Variants in MTMR10 observed in about 807,000 individuals in gnomAD.
MTMR10 encodes the protein myotubularin-related protein 10.
Under a neutral mutation model 88.1 loss-of-function variants are expected in MTMR10, and 56 were observed. The observed-to-expected ratio is 0.64, with a 90% CI of 0.51 to 0.79. The LOEUF (loss-of-function observed/expected upper bound fraction) is 0.79. MTMR10 is among the 30% of genes least tolerant of loss of function. The probability of loss-of-function intolerance (pLI) is 0.00; values close to 1 mark genes in which losing one functional copy is unlikely to be tolerated. For synonymous variants in MTMR10, 380 were observed against 340.9 expected, an observed-to-expected ratio of 1.11 and a Z score of -1.26; for missense variants, 883 against 924.7, an observed-to-expected ratio of 0.95 and a Z score of 0.58.
At chr15:30,929,834 TATA>T in the MTMR10 span, among the ~76,000 whole-genome samples, 22 of 74,210 alleles carry the variant, frequency 3.0e-4, 6 homozygotes, top group African/African-American at 1.4e-3. Context: ...TCATATATAA[TATA>T]ATATATAAAA....
chr15:30,929,099 G>A, the MTMR10 span: 7 of 909,390 alleles, frequency 7.7e-6, no homozygotes, highest in Non-Finnish European at 1.0e-5. Flanking sequence ...GAGAAAGAAT[G>A]TATCGGTTGG....
At chr15:30,948,730 A>G (rs1426838227) in intron 12 of MTMR10, 1 of 522,028 alleles carries the variant, frequency 1.9e-6, no homozygotes, top group African/African-American at 1.9e-5. Context: ...TACTTTTTAC[A>G]TTCGAATGGT....
chr15:30,988,623 G>A (rs750520390), intron 2 of MTMR10, among the ~76,000 whole-genome samples: 5 of 152,212 alleles, frequency 3.3e-5, no homozygotes, highest in Non-Finnish European at 7.3e-5. Context: ...AACCCTCAGT[G>A]AGAAAGTTCT....
intron 2 of MTMR10, among the ~76,000 whole-genome samples, chr15:30,977,686 G>GT (rs2030260541): frequency 6.6e-6 from 1 of 151,998 alleles, no homozygotes; most frequent in African/African-American, 2.4e-5. Context: ...TGGTAGAAAA[G>GT]TGAGTGTACT....
intron 15 of MTMR10, chr15:30,942,649 T>C: frequency 6.4e-6 from 3 of 467,986 alleles, no homozygotes; most frequent in Non-Finnish European, 1.1e-5. Flanking sequence ...CTTTAGTAAA[T>C]CAGGCTTGCA....
chr15:30,948,208 C>A, intron 13 of MTMR10, 94 bp downstream of exon 13: 1 of 1,172,374 alleles, frequency 8.5e-7, no homozygotes, highest in Admixed American at 2.9e-5. Flanking sequence ...GTACTAAATA[C>A]AGTATTTTTT....
rs756530308 is a variant in MTMR10 at position 30,974,306 on chromosome 15, A to G, written c.474+8T>C. 1.9e-6 allele frequency: 3 copies of G among 1,584,328 alleles called. No individual in the cohort carries two copies. Among genetic ancestry groups the G allele is most frequent in the South Asian group, 1.2e-5 (1 of 85,890 alleles). ...AACCCAGAACTTGATAAACCTTAAC[A>G]GTATTACCTTTTTAGCACTTTCGGG... On this transcript the variant is annotated splice_region_variant and intron_variant, in intron 5 of 15. Coordinates refer to ENST00000435680, the MANE Select transcript of MTMR10 (RefSeq NM_017762.3).
At chr15:30,932,526 A>G in the MTMR10 span, among the ~76,000 whole-genome samples, 4 of 152,094 alleles carry the variant, frequency 2.6e-5, no homozygotes, top group Admixed American at 2.6e-4. Flanking sequence ...TTCCCCAGTG[A>G]AGCAGTATGG....
chr15:30,952,661 T>A (rs1348126228), intron 11 of MTMR10, among the ~76,000 whole-genome samples: 1 of 151,512 alleles, frequency 6.6e-6, no homozygotes, highest in East Asian at 2.0e-4. Context: ...GCCTGGCTAG[T>A]TTCCAACTTT....
At chr15:30,982,697 G>A (rs2030661139) in intron 2 of MTMR10, among the ~76,000 whole-genome samples, 1 of 152,178 alleles carries the variant, frequency 6.6e-6, no homozygotes, top group Admixed American at 6.5e-5. Flanking sequence ...CAATAATTAA[G>A]TGTCGAGTTA....
chr15:30,927,439 G>A, the MTMR10 span: 2 of 985,648 alleles, frequency 2.0e-6, no homozygotes, highest in Admixed American at 6.1e-5. Context: ...CGGGCTGCAG[G>A]GATGAGGGGC....
downstream of MTMR10, among the ~76,000 whole-genome samples, chr15:30,933,963 T>G (rs1352021513): frequency 6.6e-6 from 1 of 152,180 alleles, no homozygotes; most frequent in Non-Finnish European, 1.5e-5. Flanking sequence ...GGTTCCACCA[T>G]GTTGCCCAGG....
chr15:30,983,665 G>T (rs1457425437), intron 2 of MTMR10, among the ~76,000 whole-genome samples: 4 of 152,342 alleles, frequency 2.6e-5, no homozygotes, highest in Admixed American at 2.6e-4. Context: ...GCTTTTAACA[G>T]TAGGGTGACT....
the MTMR10 span, among the ~76,000 whole-genome samples, chr15:30,921,908 A>G: frequency 6.6e-6 from 1 of 152,166 alleles, no homozygotes; most frequent in Non-Finnish European, 1.5e-5. Context: ...AACTGTGACC[A>G]GTGCTCAGCT....
chr15:30,958,904 G>A lies in MTMR10; in HGVS notation c.894C>T (p.Ala298=). 1 of 1,613,878 alleles carries A rather than the reference G, an allele frequency of 6.2e-7. No homozygotes were observed. The highest frequency in any genetic ancestry group is 8.5e-7 in the Non-Finnish European group (1 of 1,179,828). ...TCTGCTGCAGCACGTCTTTGATGAG[G>A]GCCATTCGCACAAGAGCACTGCCGT... is the stretch of plus-strand genomic sequence containing the variant. The part of the protein sequence containing the change: ...HSNGSALVRM[A]LIKDVLQQRK... Residue 298 remains alanine, a synonymous_variant, in exon 9 of 16, where the codon GCC becomes GCT. Transcript: ENST00000435680.
At chr15:30,926,238 A>G in the MTMR10 span, among the ~76,000 whole-genome samples, 1 of 152,192 alleles carries the variant, frequency 6.6e-6, no homozygotes, top group East Asian at 1.9e-4. Context: ...GCTCAACCCC[A>G]CGGACACCCA....
the MTMR10 span, chr15:30,920,460 A>G: frequency 5.3e-5 from 46 of 868,044 alleles, no homozygotes; most frequent in Middle Eastern, 4.6e-4. Flanking sequence ...AAAGATAGGA[A>G]TTCAGTCTGC....
intron 4 of MTMR10, 86 bp from the exon 5 acceptor site, chr15:30,974,542 A>T: frequency 8.1e-7 from 1 of 1,230,278 alleles, no homozygotes; most frequent in Non-Finnish European, 1.1e-6. Flanking sequence ...AGTGAAAATA[A>T]TTGGAAGGTC....
At chr15:30,937,042 G>A, downstream of MTMR10, 1 of 1,197,260 alleles carries the variant, frequency 8.4e-7, no homozygotes, top group Non-Finnish European at 1.2e-6. Context: ...ATAGTTGTCA[G>A]TGACAACTAC....
Sources: gnomAD v4.1 joint callset for allele counts (sites outside exome capture counted in the v4.1 genomes callset) on GRCh38, gnomAD v4.1.1 for gene constraint, MANE v1.5 for transcripts, NCBI Gene and HGNC (gene_info 2026-07-23, HGNC 2026-07-21) for gene names.